ARHGAP22: variants seen among roughly 807,000 people sequenced by gnomAD.
The protein encoded by ARHGAP22 is Rho GTPase activating protein 22, also known as rho GTPase-activating protein 22.
Under a neutral mutation model 59.1 loss-of-function variants are expected in ARHGAP22, and 48 were observed. The observed-to-expected ratio is 0.81, with a 90% CI of 0.64 to 1.03. ARHGAP22 has a LOEUF of 1.03. Ranked by LOEUF, ARHGAP22 falls within the 50% of genes least tolerant of loss-of-function variation. The pLI is 0.00. For synonymous variants in ARHGAP22, 445 were observed against 416.4 expected (o/e 1.07, Z -0.84); for missense variants, 1,015 against 958.7 (o/e 1.06, Z -0.78).
chr10:48,638,390 AGT>A (rs1180960809), intron 1 of ARHGAP22, among the ~76,000 whole-genome samples: 1 of 151,226 alleles, frequency 6.6e-6, no homozygotes, highest in African/African-American at 2.5e-5. Context: ...GCGGGCCAGG[AGT>A]GTGTGTGTTG....
chr10:48,579,280 G>C (rs2058963495), intron 2 of ARHGAP22, among the ~76,000 whole-genome samples: 1 of 152,182 alleles, frequency 6.6e-6, no homozygotes, highest in South Asian at 2.1e-4. Flanking sequence ...GACTTAAAGT[G>C]AGTTCCCAAC....
intron 3 of ARHGAP22, 91 bp downstream of exon 3, chr10:48,555,372 G>T: frequency 8.2e-7 from 1 of 1,212,956 alleles, no homozygotes; most frequent in Non-Finnish European, 1.2e-6. Flanking sequence ...GGCTCCTGCG[G>T]GAGGAGTGTC....
At position 48,458,895 on chromosome 10, in the gene ARHGAP22, C is replaced by T. The variant is rs74130282; in HGVS notation, c.659+789G>A. Among the ~76,000 whole-genome samples the T allele has an allele frequency of 4.6e-5, 7 of 152,246 alleles. No individual in the cohort carries two copies. In the South Asian group the frequency reaches 6.2e-4, roughly 14 times the overall value. On this transcript the variant is annotated intron_variant, in intron 5 of 9. Coordinates refer to ENST00000249601, the MANE Select transcript of ARHGAP22 (RefSeq NM_021226.4). Reference sequence around the variant, plus strand: ...TGACACCCTCCCCTGGCTGCAGTGACGGGCCTGGGAAAGAGCTGAGGGGCT... The same window carrying T: ...TGACACCCTCCCCTGGCTGCAGTGATGGGCCTGGGAAAGAGCTGAGGGGCT...
chr10:48,431,051 G>T, the ARHGAP22 span: 1 of 661,204 alleles, frequency 1.5e-6, no homozygotes. Flanking sequence ...TTGAATCTTA[G>T]GCCGACATTT....
In ARHGAP22 at chr10:48,643,063, G is replaced by A. The variant is rs577737525; in HGVS notation, c.52+9171C>T. On this transcript the variant is annotated intron_variant, in intron 1 of 9. Coordinates refer to the ARHGAP22 transcript ENST00000435790. ...GATACCATCTCACACCAGTTAGAAT[G>A]GCAATCATTAAAAAGTCAAGAAACA... 9.9e-5 allele frequency among the ~76,000 whole-genome samples: 15 copies of A among 152,278 alleles called. No homozygotes were observed. In the South Asian group the frequency reaches 1.9e-3, roughly 19 times the overall value.
chr10:48,451,308 C>T (rs1867587), intron 8 of ARHGAP22, 168 bp from the exon 9 acceptor site: 91,421 of 924,078 alleles, frequency 0.099, 6,404 homozygotes, highest in Admixed American at 0.27. Flanking sequence ...CACACACCCT[C>T]CAACTCCAGG....
At chr10:48,537,754 G>A (rs372452747) in intron 3 of ARHGAP22, among the ~76,000 whole-genome samples, 16 of 152,320 alleles carry the variant, frequency 1.1e-4, no homozygotes, top group African/African-American at 3.6e-4. Context: ...CTCCGGGAGC[G>A]GCACCGGAAG....
chr10:48,617,428 T>C (rs1306072016), intron 1 of ARHGAP22, among the ~76,000 whole-genome samples: 1 of 151,974 alleles, frequency 6.6e-6, no homozygotes, highest in Non-Finnish European at 1.5e-5. Context: ...CGTGGAATAT[T>C]GTCCAGGATA....
intron 9 of ARHGAP22, among the ~76,000 whole-genome samples, chr10:48,447,553 T>A (rs1179380924): frequency 6.6e-6 from 1 of 152,146 alleles, no homozygotes; most frequent in Non-Finnish European, 1.5e-5. Context: ...ATCACTGAGC[T>A]TGAAGCATGG....
At chr10:48,604,695 A>C in intron 1 of ARHGAP22, 68 bp downstream of exon 1, 1 of 1,613,328 alleles carries the variant, frequency 6.2e-7, no homozygotes, top group Non-Finnish European at 8.5e-7. Flanking sequence ...ACGGCTGGCC[A>C]AGTGTCCGCG....
chr10:48,612,503 GAC>G (rs1256412843), intron 1 of ARHGAP22, among the ~76,000 whole-genome samples: 1 of 152,194 alleles, frequency 6.6e-6, no homozygotes, highest in African/African-American at 2.4e-5. Context: ...TGGCAGTGAT[GAC>G]ACCTGCTGTG....
intron 1 of ARHGAP22, among the ~76,000 whole-genome samples, chr10:48,627,470 G>A (rs2061491424): frequency 6.6e-6 from 1 of 152,212 alleles, no homozygotes; most frequent in African/African-American, 2.4e-5. Context: ...GAGAATCAGA[G>A]AGGGCAAGAC....
chr10:48,613,384 G>T (rs577161533), intron 1 of ARHGAP22, among the ~76,000 whole-genome samples: 1 of 152,240 alleles, frequency 6.6e-6, no homozygotes, highest in Admixed American at 6.5e-5. Context: ...AAGATGGTAC[G>T]TTTGAAGAAC....
intron 2 of ARHGAP22, among the ~76,000 whole-genome samples, chr10:48,560,379 C>T (rs2057608764): frequency 6.6e-6 from 1 of 152,118 alleles, no homozygotes; most frequent in Admixed American, 6.5e-5. Context: ...ACAATAATAA[C>T]TCATTTTTTA....
intron 4 of ARHGAP22, among the ~76,000 whole-genome samples, chr10:48,465,100 G>C (rs927720290): frequency 6.6e-6 from 1 of 152,046 alleles, no homozygotes; most frequent in African/African-American, 2.4e-5. Context: ...CCGCCTGGCT[G>C]AACTCCCTCA....
chr10:48,432,623 T>G, the ARHGAP22 span, among the ~76,000 whole-genome samples: 1 of 152,316 alleles, frequency 6.6e-6, no homozygotes, highest in African/African-American at 2.4e-5. Context: ...ATTTGAAAAG[T>G]TCATTATGTG....
At chr10:48,592,676 G>T (rs1017035074) in intron 1 of ARHGAP22, among the ~76,000 whole-genome samples, 1 of 152,150 alleles carries the variant, frequency 6.6e-6, no homozygotes, top group African/African-American at 2.4e-5. Context: ...AGGCCCTCAT[G>T]TGGCTCAACC....
At chr10:48,434,486 C>A in the ARHGAP22 span, among the ~76,000 whole-genome samples, 1 of 152,264 alleles carries the variant, frequency 6.6e-6, no homozygotes, top group Non-Finnish European at 1.5e-5. Flanking sequence ...TTTGTAGTTA[C>A]ACAGTCCTTT....
chr10:48,627,360 G>A lies in ARHGAP22; in HGVS notation c.52+24874C>T, dbSNP rs1589230750. Reference sequence around the variant, plus strand: ...TGAAGTCGGGGAGGTCTTGTGGGACGGAGCCCTAACCAGTGTGGTCTGCAC... The same window carrying A: ...TGAAGTCGGGGAGGTCTTGTGGGACAGAGCCCTAACCAGTGTGGTCTGCAC... On this transcript the variant is annotated intron_variant, in intron 1 of 9. Transcript: ENST00000435790. Among the ~76,000 whole-genome samples, 4 of 152,174 alleles carry A rather than the reference G, an allele frequency of 2.6e-5. No homozygotes were observed. The South Asian group carries it at 6.2e-4, about 24-fold the overall frequency.
Sources: allele counts gnomAD v4.1 joint callset (sites outside exome capture counted in the v4.1 genomes callset), GRCh38; gene constraint gnomAD v4.1.1; transcripts MANE v1.5; gene names NCBI Gene and HGNC (gene_info 2026-07-23, HGNC 2026-07-21).